Variants in FOXP2 observed in about 807,000 individuals in gnomAD.
The protein encoded by FOXP2 is forkhead box protein P2.
FOXP2 carries 12 observed loss-of-function variants against 115.8 expected under a neutral mutation model. The observed-to-expected ratio is 0.10, with a 90% CI of 0.07 to 0.17. The LOEUF (loss-of-function observed/expected upper bound fraction) is 0.17, where lower values mean the gene tolerates loss of function less well. Ranked by LOEUF, FOXP2 falls within the 10% of genes least tolerant of loss-of-function variation. The pLI, the probability that FOXP2 is intolerant of heterozygous loss-of-function variation, is 1.00. For missense variants in FOXP2, 629 were observed against 843.5 expected (o/e 0.75, Z 3.15); for synonymous variants, 328 against 297.7 (o/e 1.10, Z -1.05).
intron 2 of FOXP2, among the ~76,000 whole-genome samples, chr7:114,492,157 G>A (rs1182352780): frequency 1.3e-5 from 2 of 152,140 alleles, no homozygotes; most frequent in African/African-American, 4.8e-5. Context: ...TATGTGTCCA[G>A]GAATTTATCC....
chr7:114,689,622 C>T (rs1031242195), intron 16 of FOXP2, among the ~76,000 whole-genome samples, 160 bp from the exon 17 acceptor site: 4 of 152,160 alleles, frequency 2.6e-5, no homozygotes, highest in African/African-American at 9.6e-5. Flanking sequence ...TGTAAAGTAT[C>T]ATGTCTCTAA....
intron 3 of FOXP2, among the ~76,000 whole-genome samples, chr7:114,583,481 G>A (rs998930818): frequency 8.6e-5 from 13 of 151,518 alleles, no homozygotes; most frequent in Admixed American, 7.2e-4. Flanking sequence ...CTCCACCCAA[G>A]TTTTTTTTTG....
chr7:114,435,026 A>G (rs1388178935), intron 2 of FOXP2, among the ~76,000 whole-genome samples: 1 of 152,176 alleles, frequency 6.6e-6, no homozygotes, highest in Admixed American at 6.6e-5. Context: ...TAACTGAATC[A>G]GCTCTCTCAT....
At chr7:114,199,441 G>C (rs1328877509) in intron 1 of FOXP2, among the ~76,000 whole-genome samples, 2 of 152,048 alleles carry the variant, frequency 1.3e-5, no homozygotes, top group African/African-American at 4.8e-5. Context: ...GTCAATACCA[G>C]ATATATTATC....
intron 1 of FOXP2, among the ~76,000 whole-genome samples, chr7:114,214,825 T>A (rs1024858447): frequency 6.6e-6 from 1 of 152,172 alleles, no homozygotes; most frequent in Non-Finnish European, 1.5e-5. Flanking sequence ...GCAAAACAAC[T>A]CTCACATCAG....
intron 3 of FOXP2, among the ~76,000 whole-genome samples, chr7:114,569,284 C>T (rs980589906): frequency 6.6e-6 from 1 of 151,850 alleles, no homozygotes; most frequent in African/African-American, 2.4e-5. Flanking sequence ...ATGACTAGTT[C>T]TTCAACTTGT....
chr7:114,216,532 G>A (rs573290153), intron 1 of FOXP2, among the ~76,000 whole-genome samples: 4 of 152,120 alleles, frequency 2.6e-5, no homozygotes, highest in South Asian at 2.1e-4. Flanking sequence ...TTTATATATT[G>A]TATATGTAAT....
chr7:114,392,657 G>C (rs1792631431), intron 2 of FOXP2, among the ~76,000 whole-genome samples: 2 of 152,096 alleles, frequency 1.3e-5, no homozygotes, highest in Admixed American at 1.3e-4. Flanking sequence ...TTCTTTCATT[G>C]TCAGGCTCCA....
intron 16 of FOXP2, among the ~76,000 whole-genome samples, chr7:114,682,481 T>C (rs1808137954): frequency 6.6e-6 from 1 of 152,184 alleles, no homozygotes; most frequent in Non-Finnish European, 1.5e-5. Flanking sequence ...TTTTATTTTA[T>C]TTGAATTGTC....
intron 1 of FOXP2, among the ~76,000 whole-genome samples, chr7:114,268,923 TTAAA>T: frequency 6.6e-6 from 1 of 152,252 alleles, no homozygotes; most frequent in South Asian, 2.1e-4. Context: ...CAATTACATA[TTAAA>T]TAAAGGCATC....
intron 2 of FOXP2, among the ~76,000 whole-genome samples, chr7:114,313,763 C>A (rs6972831): frequency 0.69 from 79,873 of 116,434 alleles, 38,517 homozygotes; most frequent in Admixed American, 0.88. Context: ...AAAAAAAAAA[C>A]AAAAATATTG....
At chr7:114,297,879 C>T (rs1386428209) in intron 2 of FOXP2, among the ~76,000 whole-genome samples, 1 of 152,022 alleles carries the variant, frequency 6.6e-6, no homozygotes, top group Non-Finnish European at 1.5e-5. Flanking sequence ...AATTAGTTAC[C>T]CAATATTTTT....
chr7:114,230,075 A>T lies in FOXP2; in HGVS notation c.-101-57944A>T, dbSNP rs564257240. ...AACTGATGGCACAGAAATAAGAATG[A>T]TCATAAGAGACTACTGTGAACAATT... On this transcript the variant is annotated intron_variant, in intron 1 of 17. Coordinates refer to the FOXP2 transcript ENST00000634411. Among the ~76,000 whole-genome samples, 46 of 152,004 alleles carry T rather than the reference A, an allele frequency of 3.0e-4. 1 individual carries two copies. Among genetic ancestry groups the T allele is most frequent in the African/African-American group, 1.0e-3 (43 of 41,558 alleles).
At chr7:114,502,978 A>G (rs1172054802) in intron 2 of FOXP2, among the ~76,000 whole-genome samples, 1 of 152,046 alleles carries the variant, frequency 6.6e-6, no homozygotes, top group Admixed American at 6.6e-5. Flanking sequence ...AAATAATTTT[A>G]TGGTTGTCTG....
intron 2 of FOXP2, among the ~76,000 whole-genome samples, chr7:114,402,721 G>A (rs1291140267): frequency 1.3e-5 from 2 of 151,852 alleles, no homozygotes; most frequent in African/African-American, 4.8e-5. Flanking sequence ...CGAATACCTG[G>A]GCTCAAGCAA....
chr7:114,193,697 G>T (rs1793824432), intron 1 of FOXP2, among the ~76,000 whole-genome samples: 2 of 152,042 alleles, frequency 1.3e-5, no homozygotes, highest in South Asian at 4.2e-4. Flanking sequence ...TCAAATTTTT[G>T]ACTCTCTCAA....
intron 2 of FOXP2, among the ~76,000 whole-genome samples, chr7:114,306,864 G>C (rs1003629673): frequency 1.3e-5 from 2 of 152,052 alleles, no homozygotes; most frequent in Non-Finnish European, 2.9e-5. Flanking sequence ...GCAATGACTG[G>C]TTGAGCCTTT....
At chr7:114,602,476 G>A (rs1029290749) in intron 3 of FOXP2, among the ~76,000 whole-genome samples, 2 of 151,982 alleles carry the variant, frequency 1.3e-5, no homozygotes, top group Non-Finnish European at 2.9e-5. Flanking sequence ...TGACTTGTAA[G>A]AGCACCTAAA....
At chr7:114,239,578 C>T (rs1019900434) in intron 1 of FOXP2, among the ~76,000 whole-genome samples, 3 of 152,244 alleles carry the variant, frequency 2.0e-5, no homozygotes, top group African/African-American at 2.4e-5. Flanking sequence ...TTGGTTTTAG[C>T]TCTGCCTTCA....
Sources: allele counts gnomAD v4.1 joint callset (sites outside exome capture counted in the v4.1 genomes callset), GRCh38; gene constraint gnomAD v4.1.1; transcripts MANE v1.5; gene names NCBI Gene and HGNC (gene_info 2026-07-23, HGNC 2026-07-21).